Variants in PLPPR1 observed in about 807,000 individuals in gnomAD.
PLPPR1 encodes phospholipid phosphatase-related protein type 1.
A neutral mutation model predicts 33.1 loss-of-function variants in PLPPR1; 10 were observed. The ratio of observed to expected loss-of-function variants is 0.30; its 90% CI spans 0.19 to 0.51. PLPPR1 has a LOEUF of 0.51. Ranked by LOEUF, PLPPR1 falls within the 20% of genes least tolerant of loss-of-function variation. The pLI is 0.97. For missense variants in PLPPR1, 304 were observed against 408.1 expected (o/e 0.74, Z 2.20); for synonymous variants, 151 against 151.0 (o/e 1.00, Z 0.00).
chr9:101,038,508 T>C (rs1830038109), intron 1 of PLPPR1, among the ~76,000 whole-genome samples: 1 of 152,166 alleles, frequency 6.6e-6, no homozygotes, highest in African/African-American at 2.4e-5. Context: ...GCTAATCTAA[T>C]TTTTAAATTG....
At chr9:101,153,073 C>A (rs1083049) in intron 1 of PLPPR1, among the ~76,000 whole-genome samples, 24 of 151,908 alleles carry the variant, frequency 1.6e-4, no homozygotes, top group African/African-American at 3.6e-4. Flanking sequence ...CTTTTATTTC[C>A]TTGAGCAGTG....
At chr9:101,181,174 A>G (rs1826104876) in intron 1 of PLPPR1, among the ~76,000 whole-genome samples, 1 of 147,526 alleles carries the variant, frequency 6.8e-6, no homozygotes, top group Non-Finnish European at 1.5e-5. Context: ...TATCTAATAT[A>G]TATATTTATA....
At chr9:101,254,319 A>G (rs1186258763) in intron 2 of PLPPR1, among the ~76,000 whole-genome samples, 1 of 152,124 alleles carries the variant, frequency 6.6e-6, no homozygotes, top group African/African-American at 2.4e-5. Flanking sequence ...GATTCTCATA[A>G]GGAACATGAA....
intron 1 of PLPPR1, among the ~76,000 whole-genome samples, chr9:101,154,536 C>T (rs1463253500): frequency 1.3e-5 from 2 of 152,082 alleles, no homozygotes; most frequent in Non-Finnish European, 2.9e-5. Context: ...GTCTGTATTT[C>T]TGTGGGATCA....
At chr9:101,073,089 T>C (rs1283331951) in intron 1 of PLPPR1, among the ~76,000 whole-genome samples, 1 of 151,978 alleles carries the variant, frequency 6.6e-6, no homozygotes, top group Non-Finnish European at 1.5e-5. Context: ...ACAAAGACAA[T>C]TGGAGAGGAA....
chr9:101,226,913 A>G (rs559426319), intron 2 of PLPPR1, among the ~76,000 whole-genome samples: 27 of 152,296 alleles, frequency 1.8e-4, no homozygotes, highest in African/African-American at 6.0e-4. Context: ...ATTAATGGAG[A>G]CATATGTCCT....
At chr9:101,092,305 A>ATTG (rs910877238) in intron 1 of PLPPR1, among the ~76,000 whole-genome samples, 1 of 152,012 alleles carries the variant, frequency 6.6e-6, no homozygotes, top group Non-Finnish European at 1.5e-5. Context: ...TTTGTGATTT[A>ATTG]TTGTTGTTGT....
intron 4 of PLPPR1, among the ~76,000 whole-genome samples, chr9:101,300,096 A>T (rs79546805): frequency 0.047 from 7,206 of 152,248 alleles, 534 homozygotes; most frequent in African/African-American, 0.16. Flanking sequence ...CTAACTGATG[A>T]CTCAACAGTT....
chr9:101,225,423 C>G (rs946421070), intron 2 of PLPPR1, among the ~76,000 whole-genome samples: 1 of 152,168 alleles, frequency 6.6e-6, no homozygotes, highest in Admixed American at 6.5e-5. Context: ...CCTCACCTCT[C>G]TGTGCAGGGC....
At chr9:101,184,465 C>G (rs1826171151) in intron 1 of PLPPR1, among the ~76,000 whole-genome samples, 2 of 151,982 alleles carry the variant, frequency 1.3e-5, no homozygotes, top group South Asian at 4.1e-4. Flanking sequence ...CTGGTACTTC[C>G]TATGTTACCT....
intron 3 of PLPPR1, among the ~76,000 whole-genome samples, chr9:101,270,614 G>GTTA (rs1424378626): frequency 1.3e-5 from 2 of 152,058 alleles, no homozygotes; most frequent in African/African-American, 4.8e-5. Context: ...AAATTAAGTT[G>GTTA]CAACTTTACC....
At position 101,233,682 on chromosome 9, in the gene PLPPR1, G is replaced by T. The variant is rs74975692; in HGVS notation, c.64-36198G>T. Among the ~76,000 whole-genome samples the T allele has an allele frequency of 8.2e-3, 1,249 of 151,930 alleles. 18 individuals carry two copies. The highest frequency in any genetic ancestry group is 0.029 in the African/African-American group (1,210 of 41,480). On this transcript the variant is annotated intron_variant, in intron 2 of 7. Coordinates refer to ENST00000374874, the MANE Select transcript of PLPPR1 (RefSeq NM_207299.2). ...TGACATGTAATGTTTTAGCAAGAAG[G>T]TCCTTACCAGATCCCAGCTCCTTGA...
At chr9:101,108,037 C>T (rs4742804) in intron 1 of PLPPR1, among the ~76,000 whole-genome samples, 40,995 of 147,472 alleles carry the variant, frequency 0.28, 6,976 homozygotes, top group East Asian at 0.61. Flanking sequence ...CACTGGCCTG[C>T]GCCCACTGTC....
chr9:101,287,023 G>A (rs1274325509), intron 4 of PLPPR1, among the ~76,000 whole-genome samples: 3 of 149,392 alleles, frequency 2.0e-5, no homozygotes, highest in Non-Finnish European at 4.4e-5. Flanking sequence ...ATGCTGTCAA[G>A]CCTTTTGGTA....
At chr9:101,094,658 G>A (rs2118538728) in intron 1 of PLPPR1, among the ~76,000 whole-genome samples, 1 of 152,186 alleles carries the variant, frequency 6.6e-6, no homozygotes, top group Non-Finnish European at 1.5e-5. Context: ...TGCTTATATG[G>A]TCGTTAGTCT....
At chr9:101,193,174 G>A (rs1442638125) in intron 2 of PLPPR1, among the ~76,000 whole-genome samples, 4 of 152,194 alleles carry the variant, frequency 2.6e-5, no homozygotes, top group Non-Finnish European at 5.9e-5. Context: ...GGCACTGGAG[G>A]ACAAGGAATC....
intron 1 of PLPPR1, among the ~76,000 whole-genome samples, chr9:101,056,229 C>T (rs1008308510): frequency 6.6e-6 from 1 of 152,180 alleles, no homozygotes; most frequent in African/African-American, 2.4e-5. Context: ...AGCCTTTGCA[C>T]ATCTGTGACA....
intron 1 of PLPPR1, among the ~76,000 whole-genome samples, chr9:101,031,224 G>C (rs1297957123): frequency 6.6e-6 from 1 of 152,032 alleles, no homozygotes; most frequent in Non-Finnish European, 1.5e-5. Flanking sequence ...AATATTTTTT[G>C]CTTTCACTAG....
At chr9:101,075,749 G>C (rs1289516903) in intron 1 of PLPPR1, among the ~76,000 whole-genome samples, 1 of 152,280 alleles carries the variant, frequency 6.6e-6, no homozygotes, top group South Asian at 2.1e-4. Context: ...AAGCATATAA[G>C]CAATTAATGA....
Sources: allele counts gnomAD v4.1 joint callset (sites outside exome capture counted in the v4.1 genomes callset), GRCh38; gene constraint gnomAD v4.1.1; transcripts MANE v1.5; gene names NCBI Gene and HGNC (gene_info 2026-07-23, HGNC 2026-07-21).